The following MEIS1 variants were observed in gnomAD, a reference collection of about 807,000 sequenced individuals.
The protein encoded by MEIS1 is Meis homeobox 1.
MEIS1 carries 5 observed loss-of-function variants against 50.8 expected under a neutral mutation model. The ratio of observed to expected loss-of-function variants is 0.10; its 90% CI spans 0.05 to 0.21. The LOEUF (loss-of-function observed/expected upper bound fraction) is 0.21, where lower values mean the gene tolerates loss of function less well. Ranked by LOEUF, MEIS1 falls within the 10% of genes least tolerant of loss-of-function variation. The pLI, the probability that MEIS1 is intolerant of heterozygous loss-of-function variation, is 1.00. For synonymous variants in MEIS1, 176 were observed against 179.3 expected, an observed-to-expected ratio of 0.98 and a Z score of 0.15; for missense variants, 318 against 517.3, an observed-to-expected ratio of 0.61 and a Z score of 3.74.
intron 7 of MEIS1, among the ~76,000 whole-genome samples, chr2:66,474,204 C>T (rs75459867): frequency 0.031 from 4,781 of 152,144 alleles, 93 homozygotes; most frequent in Non-Finnish European, 0.045. Context: ...ACTTGTTCTC[C>T]GTACTCCTAC....
chr2:66,469,884 T>C (rs1672726915), intron 7 of MEIS1, among the ~76,000 whole-genome samples: 4 of 152,044 alleles, frequency 2.6e-5, no homozygotes, highest in Admixed American at 2.6e-4. Flanking sequence ...CTGCAGCTTT[T>C]CAGCTGAAAA....
intron 4 of MEIS1, chr2:66,441,042 A>G (rs1671967485): frequency 3.1e-6 from 1 of 326,128 alleles, no homozygotes; most frequent in Non-Finnish European, 5.5e-6. Flanking sequence ...CAATGGGAAA[A>G]GCCACAGTTT....
chr2:66,474,993 G>A (rs933779496), intron 7 of MEIS1, among the ~76,000 whole-genome samples: 3 of 151,852 alleles, frequency 2.0e-5, no homozygotes, highest in Non-Finnish European at 4.4e-5. Flanking sequence ...TAGGTTATTA[G>A]CATTTACTGT....
At chr2:66,460,911 C>T (rs1467005456) in intron 6 of MEIS1, among the ~76,000 whole-genome samples, 1 of 152,076 alleles carries the variant, frequency 6.6e-6, no homozygotes. Flanking sequence ...CACATAAACC[C>T]AAATATTATT....
In MEIS1 at chr2:66,567,526, G is replaced by A. The variant is rs986773046; in HGVS notation, c.1024+15G>A. 7.4e-6 allele frequency: 12 copies of A among 1,613,330 alleles called. No individual in the cohort carries two copies. The highest frequency in any genetic ancestry group is 1.0e-5 in the Non-Finnish European group (12 of 1,179,588). ...CAACCGAGCAGGCAAGTCCCCCATAGTGACTGTATTCAAGTCACGCAAGCG... is the reference window on the plus strand; with the variant it reads ...CAACCGAGCAGGCAAGTCCCCCATAATGACTGTATTCAAGTCACGCAAGCG... On this transcript the variant is annotated intron_variant, in intron 10 of 12. Transcript: ENST00000272369.
rs141620239 is a variant in MEIS1 at position 66,467,335 on chromosome 2, G to A, written c.742+3115G>A. 3.9e-3 allele frequency among the ~76,000 whole-genome samples: 586 copies of A among 151,308 alleles called. 5 individuals are homozygous for A. The highest frequency in any genetic ancestry group is 0.013 in the African/African-American group (543 of 40,898). On this transcript the variant is annotated intron_variant, in intron 7 of 12. Transcript: ENST00000272369. ...TCCATGGCTGGGAGCAGTGGCTCAC[G>A]CCTGTAATCCCAGCAGTTTAGGAGG...
At chr2:66,457,440 C>T (rs1462887283) in intron 6 of MEIS1, among the ~76,000 whole-genome samples, 5 of 152,138 alleles carry the variant, frequency 3.3e-5, no homozygotes, top group African/African-American at 4.8e-5. Context: ...TTCTCAGCAT[C>T]CCCATTCCCC....
rs1245560709 is a variant in MEIS1, at chr2:66,573,409, G to T, written c.*2201G>T. The T allele has an allele frequency of 6.6e-6, 1 of 152,224 alleles. No homozygotes were observed. The highest frequency in any genetic ancestry group is 2.4e-5 in the African/African-American group (1 of 41,450). 9.4% of individuals were successfully genotyped at this position (152,224 alleles called of 1,614,324 possible). ...TTTAAAAAATAAGCCTTTCAGTAGTGATTGCTTTGTAAACAAAGGATGGGT... is the reference window on the plus strand; with the variant it reads ...TTTAAAAAATAAGCCTTTCAGTAGTTATTGCTTTGTAAACAAAGGATGGGT... On this transcript the variant is annotated 3_prime_UTR_variant, in exon 13 of 13. Coordinates refer to ENST00000272369, the MANE Select transcript of MEIS1 (RefSeq NM_002398.3).
At chr2:66,519,002 A>G (rs1458096664) in intron 8 of MEIS1, among the ~76,000 whole-genome samples, 1 of 152,192 alleles carries the variant, frequency 6.6e-6, no homozygotes, top group East Asian at 1.9e-4. Flanking sequence ...CTCTCATGCT[A>G]AAGTGTGAGT....
intron 7 of MEIS1, among the ~76,000 whole-genome samples, chr2:66,491,738 C>T (rs1044939337): frequency 3.9e-5 from 6 of 152,182 alleles, no homozygotes; most frequent in African/African-American, 1.4e-4. Flanking sequence ...TCAAAACTGA[C>T]TTGACAGCCA....
At chr2:66,480,289 A>G (rs1277740923) in intron 7 of MEIS1, among the ~76,000 whole-genome samples, 1 of 152,224 alleles carries the variant, frequency 6.6e-6, no homozygotes, top group Non-Finnish European at 1.5e-5. Flanking sequence ...TACTGCATTG[A>G]AATATTTCCC....
chr2:66,567,344 A>G, intron 9 of MEIS1, 109 bp from the exon 10 acceptor site: 2 of 1,169,472 alleles, frequency 1.7e-6, no homozygotes, highest in Non-Finnish European at 2.5e-6. Context: ...AAGGAGTCCC[A>G]TTTTGCCAAG....
At chr2:66,472,231 T>C (rs189747808) in intron 7 of MEIS1, among the ~76,000 whole-genome samples, 1 of 152,324 alleles carries the variant, frequency 6.6e-6, no homozygotes, top group East Asian at 1.9e-4. Flanking sequence ...TTTCAGGTGG[T>C]AGATTCTTCA....
intron 7 of MEIS1, among the ~76,000 whole-genome samples, chr2:66,479,532 AT>A (rs904759141): frequency 1.3e-5 from 2 of 152,306 alleles, no homozygotes; most frequent in East Asian, 3.9e-4. Context: ...TGATAATATG[AT>A]TTTTTTGAAA....
At chr2:66,534,843 C>A (rs1047426598) in intron 8 of MEIS1, among the ~76,000 whole-genome samples, 5 of 152,186 alleles carry the variant, frequency 3.3e-5, no homozygotes, top group African/African-American at 1.2e-4. Context: ...AAGGACATTT[C>A]TTTCCCAAAG....
At chr2:66,564,260 C>G (rs1177425037) in intron 9 of MEIS1, among the ~76,000 whole-genome samples, 1 of 152,122 alleles carries the variant, frequency 6.6e-6, no homozygotes, top group Non-Finnish European at 1.5e-5. Flanking sequence ...TCTACACATT[C>G]TAGGGGTAGC....
chr2:66,522,388 G>T (rs1264498601), intron 8 of MEIS1, among the ~76,000 whole-genome samples: 1 of 152,204 alleles, frequency 6.6e-6, no homozygotes, highest in African/African-American at 2.4e-5. Context: ...TTAGCCATTT[G>T]GTTATGGTTC....
At chr2:66,565,969 A>G (rs1185667052) in intron 9 of MEIS1, among the ~76,000 whole-genome samples, 4 of 152,206 alleles carry the variant, frequency 2.6e-5, no homozygotes, top group African/African-American at 9.6e-5. Context: ...ACCTGTGCTT[A>G]TAATGAGAAT....
intron 7 of MEIS1, among the ~76,000 whole-genome samples, chr2:66,465,382 G>A (rs1340870186): frequency 6.6e-6 from 1 of 152,162 alleles, no homozygotes. Context: ...AGAGCTGAGA[G>A]GTAACCTCTG....
Sources: allele counts gnomAD v4.1 joint callset (sites outside exome capture counted in the v4.1 genomes callset), GRCh38; gene constraint gnomAD v4.1.1; transcripts MANE v1.5; gene names NCBI Gene and HGNC (gene_info 2026-07-23, HGNC 2026-07-21).